Variants in PGCKA1 observed in about 807,000 individuals in gnomAD.
PGCKA1 encodes PDCD10 and GCKIII kinases-associated protein 1.
At chr4:37,473,175 A>G in the PGCKA1 span, among the ~76,000 whole-genome samples, 1 of 152,248 alleles carries the variant, frequency 6.6e-6, no homozygotes, top group African/African-American at 2.4e-5. Flanking sequence ...TTTTGGGGGA[A>G]AGCAAAATTA....
chr4:37,542,574 C>T, the PGCKA1 span, among the ~76,000 whole-genome samples: 7 of 152,238 alleles, frequency 4.6e-5, no homozygotes, highest in East Asian at 1.4e-3. Flanking sequence ...TAATGAGGAA[C>T]ATGTTCTATG....
At chr4:37,527,105 A>G in the PGCKA1 span, among the ~76,000 whole-genome samples, 1 of 74,406 alleles carries the variant, frequency 1.3e-5, no homozygotes, top group Non-Finnish European at 2.3e-5. Flanking sequence ...ATTAAAAAAA[A>G]TTAATTAAAA....
At chr4:37,541,523 A>G in the PGCKA1 span, among the ~76,000 whole-genome samples, 1 of 152,172 alleles carries the variant, frequency 6.6e-6, no homozygotes, top group Non-Finnish European at 1.5e-5. Flanking sequence ...AGCCCCTCTT[A>G]GGGGCCTCCC....
chr4:37,476,390 A>G, the PGCKA1 span, among the ~76,000 whole-genome samples: 2 of 152,312 alleles, frequency 1.3e-5, no homozygotes, highest in African/African-American at 4.8e-5. Context: ...AACAGATAAC[A>G]TCTTGCCTAT....
chr4:37,461,333 CT>C, the PGCKA1 span, among the ~76,000 whole-genome samples: 1 of 151,888 alleles, frequency 6.6e-6, no homozygotes, highest in African/African-American at 2.4e-5. Flanking sequence ...TTTAAATTAG[CT>C]TTTTTTCTAA....
the PGCKA1 span, among the ~76,000 whole-genome samples, chr4:37,524,097 A>G: frequency 7.0e-3 from 1,069 of 152,360 alleles, 17 homozygotes; most frequent in East Asian, 0.06. Context: ...CAATTGAAGT[A>G]TAAAGTGGGT....
the PGCKA1 span, among the ~76,000 whole-genome samples, chr4:37,567,046 GC>G: frequency 6.6e-6 from 1 of 151,078 alleles, no homozygotes; most frequent in Non-Finnish European, 1.5e-5. Flanking sequence ...ACTGCTTCTT[GC>G]ATAATCCAGC....
chr4:37,580,437 G>C, the PGCKA1 span, among the ~76,000 whole-genome samples: 3 of 151,494 alleles, frequency 2.0e-5, no homozygotes, highest in Non-Finnish European at 4.4e-5. Flanking sequence ...AGGCTTTTCA[G>C]GTATTCGAAG....
chr4:37,512,630 A>G, the PGCKA1 span, among the ~76,000 whole-genome samples: 1 of 151,648 alleles, frequency 6.6e-6, no homozygotes, highest in Non-Finnish European at 1.5e-5. Flanking sequence ...ATTTTTTTAT[A>G]TTTTTAGTAG....
chr4:37,481,869 G>T, the PGCKA1 span, among the ~76,000 whole-genome samples: 1 of 152,154 alleles, frequency 6.6e-6, no homozygotes, highest in African/African-American at 2.4e-5. Flanking sequence ...AATCATGGGG[G>T]CAGTTTCCCT....
At chr4:37,530,859 C>A in the PGCKA1 span, among the ~76,000 whole-genome samples, 1 of 151,798 alleles carries the variant, frequency 6.6e-6, no homozygotes, top group African/African-American at 2.4e-5. Flanking sequence ...GTGGTGGGCA[C>A]CTGTAATCTC....
chr4:37,509,383 GTT>G, the PGCKA1 span, among the ~76,000 whole-genome samples: 1 of 139,670 alleles, frequency 7.2e-6, no homozygotes, highest in Non-Finnish European at 1.6e-5. Context: ...GGGCAGAGGC[GTT>G]CCTCACATCC....
At chr4:37,486,332 C>A in the PGCKA1 span, among the ~76,000 whole-genome samples, 2 of 152,098 alleles carry the variant, frequency 1.3e-5, no homozygotes, top group South Asian at 4.1e-4. Flanking sequence ...ACATTGTTTA[C>A]TTCCTAGTTT....
chr4:37,507,163 A>G, the PGCKA1 span, among the ~76,000 whole-genome samples: 1 of 151,792 alleles, frequency 6.6e-6, no homozygotes, highest in African/African-American at 2.4e-5. Flanking sequence ...TTTTCAGTCT[A>G]TTTGTGTCTT....
the PGCKA1 span, among the ~76,000 whole-genome samples, chr4:37,455,022 A>G: frequency 6.6e-6 from 1 of 152,174 alleles, no homozygotes; most frequent in Non-Finnish European, 1.5e-5. Flanking sequence ...AGAATTACGG[A>G]TGGTCCTTCT....
chr4:37,573,130 TG>T, the PGCKA1 span, among the ~76,000 whole-genome samples: 1 of 152,352 alleles, frequency 6.6e-6, no homozygotes, highest in African/African-American at 2.4e-5. Context: ...CACTTAAGCA[TG>T]TATATCATTA....
chr4:37,459,890 A>T, the PGCKA1 span, among the ~76,000 whole-genome samples: 1 of 149,790 alleles, frequency 6.7e-6, no homozygotes, highest in Non-Finnish European at 1.5e-5. Flanking sequence ...GGTTTGTTAC[A>T]TAGGTAAACA....
chr4:37,572,315 C>T, the PGCKA1 span, among the ~76,000 whole-genome samples: 1 of 152,092 alleles, frequency 6.6e-6, no homozygotes, highest in Non-Finnish European at 1.5e-5. Context: ...ATCCGCCCGC[C>T]TCGGCCTCCC....
the PGCKA1 span, among the ~76,000 whole-genome samples, chr4:37,557,208 T>A: frequency 1.6e-3 from 246 of 152,372 alleles, no homozygotes; most frequent in African/African-American, 5.6e-3. Context: ...CTAAATCATG[T>A]ATTTTATTGA....
Sources: gnomAD v4.1 joint callset for allele counts (sites outside exome capture counted in the v4.1 genomes callset) on GRCh38, gnomAD v4.1.1 for gene constraint, MANE v1.5 for transcripts, NCBI Gene and HGNC (gene_info 2026-07-23, HGNC 2026-07-21) for gene names.